The following LRRC8C variants were observed in gnomAD, a reference collection of about 807,000 sequenced individuals.
LRRC8C encodes leucine rich repeat containing 8 VRAC subunit C.
A neutral mutation model predicts 55.3 loss-of-function variants in LRRC8C; 20 were observed. That is an observed-to-expected ratio of 0.36 (90% confidence interval 0.25 to 0.53). LRRC8C has a LOEUF of 0.53. LRRC8C is among the 20% of genes least tolerant of loss of function. The pLI, the probability that LRRC8C is intolerant of heterozygous loss-of-function variation, is 0.92. For synonymous variants in LRRC8C, 376 were observed against 360.7 expected (o/e 1.04, Z -0.48); for missense variants, 659 against 951.4 (o/e 0.69, Z 4.04).
intron 1 of LRRC8C, among the ~76,000 whole-genome samples, chr1:89,634,417 G>C (rs11800647): frequency 6.6e-6 from 1 of 152,130 alleles, no homozygotes; most frequent in Non-Finnish European, 1.5e-5. Flanking sequence ...GCAGCCGTTT[G>C]TAAGTCACAT....
chr1:89,702,469 G>A (rs1658359623), intron 2 of LRRC8C, among the ~76,000 whole-genome samples: 1 of 152,072 alleles, frequency 6.6e-6, no homozygotes, highest in Non-Finnish European at 1.5e-5. Context: ...GTACCGTGGT[G>A]AACACCTGTA....
At chr1:89,636,311 C>T (rs1231571513) in intron 1 of LRRC8C, among the ~76,000 whole-genome samples, 9 of 152,092 alleles carry the variant, frequency 5.9e-5, no homozygotes, top group Admixed American at 6.5e-5. Flanking sequence ...TTTACATGCA[C>T]GTAGTGATTA....
intron 1 of LRRC8C, among the ~76,000 whole-genome samples, chr1:89,654,349 C>G (rs1241910142): frequency 6.6e-6 from 1 of 152,100 alleles, no homozygotes; most frequent in Non-Finnish European, 1.5e-5. Context: ...ACACTAAAAT[C>G]CCAGACTTCA....
In LRRC8C at chr1:89,714,641, T is replaced by C. The variant is rs377538470; in HGVS notation, c.2071T>C (p.Ser691Pro). Reference protein sequence around the residue: ...LCNKIRYLDLSYNDIRFIPPE... With the variant: ...LCNKIRYLDLPYNDIRFIPPE... ...CAACAAGATCCGATACTTGGACTTATCGTACAATGACATTCGATTTATCCC... is the reference window on the plus strand; with the variant it reads ...CAACAAGATCCGATACTTGGACTTACCGTACAATGACATTCGATTTATCCC... Residue 691 changes from serine (S) to proline (P), a missense_variant, in exon 3 of 3, where the codon TCG becomes CCG. Physicochemically the swap from Ser to Pro is moderately conservative, Grantham distance 74. Coordinates refer to ENST00000370454, the MANE Select transcript of LRRC8C (RefSeq NM_032270.5). The surrounding 1 kb of genome is among the most constrained non-coding windows in gnomAD (Gnocchi z 4.6). The C allele has an allele frequency of 1.1e-5, 18 of 1,614,052 alleles. No individual in the cohort carries two copies. Among genetic ancestry groups the C allele is most frequent in the South Asian group, 3.3e-5 (3 of 91,084 alleles).
intron 2 of LRRC8C, among the ~76,000 whole-genome samples, chr1:89,691,071 C>A (rs2101297719): frequency 6.6e-6 from 1 of 152,292 alleles, no homozygotes; most frequent in Non-Finnish European, 1.5e-5. Flanking sequence ...AACAAACAAT[C>A]CTGTGCATCA....
chr1:89,662,415 G>C (rs961259354), intron 1 of LRRC8C, among the ~76,000 whole-genome samples: 4 of 152,184 alleles, frequency 2.6e-5, no homozygotes, highest in Admixed American at 2.6e-4. Context: ...GTGAGATGGA[G>C]AATTATTAGA....
intron 1 of LRRC8C, among the ~76,000 whole-genome samples, chr1:89,643,017 CAAA>C (rs34145647): frequency 0.47 from 51,544 of 108,920 alleles, 9,525 homozygotes; most frequent in East Asian, 0.71. Flanking sequence ...GACTGTGTCT[CAAA>C]AAAAAAAAAA....
At chr1:89,616,525 A>G in the LRRC8C span, among the ~76,000 whole-genome samples, 2 of 152,210 alleles carry the variant, frequency 1.3e-5, no homozygotes, top group Non-Finnish European at 2.9e-5. Flanking sequence ...TTGCAAAGAG[A>G]TTTCATTATT....
chr1:89,631,245 T>C (rs900245206), upstream of LRRC8C, among the ~76,000 whole-genome samples: 2 of 152,050 alleles, frequency 1.3e-5, no homozygotes, highest in South Asian at 2.1e-4. Context: ...TAAGGGGATG[T>C]GGGTGGTGGG....
At chr1:89,688,886 T>C (rs904186104) in intron 2 of LRRC8C, among the ~76,000 whole-genome samples, 34 of 152,214 alleles carry the variant, frequency 2.2e-4, no homozygotes, top group African/African-American at 8.0e-4. Flanking sequence ...TTCAGCATGC[T>C]CCTTGACACA....
intron 1 of LRRC8C, among the ~76,000 whole-genome samples, chr1:89,643,956 T>C (rs959707038): frequency 1.3e-5 from 2 of 152,230 alleles, no homozygotes; most frequent in Middle Eastern, 3.2e-3. Flanking sequence ...AAGTTACAAT[T>C]TCTTTGTTTC....
the LRRC8C span, among the ~76,000 whole-genome samples, chr1:89,618,240 AAC>A: frequency 1.3e-5 from 2 of 152,312 alleles, no homozygotes; most frequent in East Asian, 3.9e-4. Context: ...TCATTTGCAT[AAC>A]AAAGAGACCT....
chr1:89,701,336 C>T lies in LRRC8C; in HGVS notation c.139-11373C>T, dbSNP rs575827123. The stretch of plus-strand genomic sequence containing the variant: ...CTAAAACTACAAAAAATTAGCCGGG[C>T]GTGGTGGTGGGCACCTGTAGTCCCA... On this transcript the variant is annotated intron_variant, in intron 2 of 2. Transcript: ENST00000370454. Among the ~76,000 whole-genome samples, 11 of 152,018 alleles carry T rather than the reference C, an allele frequency of 7.2e-5. 1 individual carries two copies. The East Asian group carries it at 7.7e-4, about 11-fold the overall frequency.
chr1:89,625,513 A>G, the LRRC8C span, among the ~76,000 whole-genome samples: 1 of 152,190 alleles, frequency 6.6e-6, no homozygotes, highest in East Asian at 1.9e-4. Context: ...AGACAAAAAT[A>G]TGAGTGGATT....
chr1:89,664,203 TG>T (rs1198370827), intron 1 of LRRC8C, among the ~76,000 whole-genome samples: 1 of 152,246 alleles, frequency 6.6e-6, no homozygotes, highest in African/African-American at 2.4e-5. Context: ...GTTTTAGTCA[TG>T]AAGTCTTTGC....
chr1:89,643,490 A>G (rs1490698096), intron 1 of LRRC8C, among the ~76,000 whole-genome samples: 1 of 152,256 alleles, frequency 6.6e-6, no homozygotes, highest in African/African-American at 2.4e-5. Flanking sequence ...TTTGTGGACT[A>G]GGCAAACCTA....
intron 2 of LRRC8C, among the ~76,000 whole-genome samples, chr1:89,698,316 C>T (rs1024788455): frequency 1.3e-5 from 2 of 152,124 alleles, no homozygotes; most frequent in African/African-American, 2.4e-5. Context: ...GTTTGTTCCT[C>T]CTTAGGGATA....
At chr1:89,691,629 A>G (rs1658029967) in intron 2 of LRRC8C, among the ~76,000 whole-genome samples, 2 of 152,158 alleles carry the variant, frequency 1.3e-5, no homozygotes, top group East Asian at 1.9e-4. Context: ...GATTAGTCCC[A>G]TTTTTCAGAT....
chr1:89,669,311 A>G (rs1163638907), intron 1 of LRRC8C, among the ~76,000 whole-genome samples: 3 of 152,124 alleles, frequency 2.0e-5, no homozygotes, highest in Non-Finnish European at 2.9e-5. Flanking sequence ...ATACTAATCA[A>G]TGGGCATAAA....
Sources: gnomAD v4.1 joint callset for allele counts (sites outside exome capture counted in the v4.1 genomes callset) on GRCh38, gnomAD v4.1.1 for gene constraint, Gnocchi (gnomAD v3.1) non-coding constraint, MANE v1.5 for transcripts, NCBI Gene and HGNC (gene_info 2026-07-23, HGNC 2026-07-21) for gene names.